The following BCL2L1 variants were observed in gnomAD, a reference collection of about 807,000 sequenced individuals.
BCL2L1 encodes the protein BCL2 like 1.
BCL2L1 carries 1 observed loss-of-function variant against 18.7 expected under a neutral mutation model. The observed-to-expected ratio is 0.05, with a 90% CI of 0.02 to 0.25. The LOEUF (loss-of-function observed/expected upper bound fraction) is 0.25, where lower values mean the gene tolerates loss of function less well. BCL2L1 is among the 10% of genes least tolerant of loss of function. The probability of loss-of-function intolerance (pLI) is 1.00; values close to 1 mark genes in which losing one functional copy is unlikely to be tolerated. For synonymous variants in BCL2L1, 103 were observed against 122.7 expected (o/e 0.84, Z 1.06); for missense variants, 207 against 304.9 (o/e 0.68, Z 2.39).
chr20:31,721,679 A>T lies in BCL2L1; in HGVS notation c.540T>A (p.Pro180=), dbSNP rs777551799. ...MATYLNDHLE[P]WIQENGGWDT... ...CCCAGCCGCCGTTCTCCTGGATCCA[A>T]GGCTCTAGGTGGTCATTCAGGTAAG... Residue 180 remains proline (P), a synonymous_variant, in exon 2 of 3, where the codon CCT becomes CCA. Coordinates refer to ENST00000307677, the MANE Select transcript of BCL2L1 (RefSeq NM_138578.3). 2.8e-5 allele frequency: 45 copies of T among 1,610,808 alleles called. No homozygotes were observed. The highest frequency in any genetic ancestry group is 3.8e-5 in the Non-Finnish European group (45 of 1,177,874).
intron 2 of BCL2L1, among the ~76,000 whole-genome samples, chr20:31,709,840 C>CAAAAAAAAAAAAAAAAAA (rs56937786): frequency 1.6e-5 from 1 of 64,072 alleles, no homozygotes; most frequent in African/African-American, 4.3e-5. Context: ...GACTCCATCT[C>CAAAAAAAAAAAAAAAAAA]AAAAAAAAAA....
chr20:31,693,945 A>T (rs1417829685), intron 2 of BCL2L1, among the ~76,000 whole-genome samples: 1 of 152,156 alleles, frequency 6.6e-6, no homozygotes, highest in Non-Finnish European at 1.5e-5. Context: ...TTTATGATAA[A>T]TTTCTTTAAA....
At chr20:31,723,476 C>T (rs1486735225), upstream of BCL2L1, 1 of 985,124 alleles carries the variant, frequency 1.0e-6, no homozygotes, top group East Asian at 1.1e-4. Context: ...TGCACCTCTC[C>T]GGAGCCCAGG....
chr20:31,705,379 T>A (rs910847639), intron 2 of BCL2L1, among the ~76,000 whole-genome samples: 1 of 152,172 alleles, frequency 6.6e-6, no homozygotes, highest in Admixed American at 6.5e-5. Flanking sequence ...TATCCCCATT[T>A]TTCAGATAGG....
chr20:31,671,950 ATATC>A (rs1045324616), intron 2 of BCL2L1, among the ~76,000 whole-genome samples: 5 of 147,024 alleles, frequency 3.4e-5, no homozygotes, highest in Admixed American at 2.7e-4. Flanking sequence ...ATACATATCT[ATATC>A]TATATATACT....
chr20:31,707,938 C>A (rs1389293284), intron 2 of BCL2L1, among the ~76,000 whole-genome samples: 2 of 152,156 alleles, frequency 1.3e-5, no homozygotes, highest in African/African-American at 4.8e-5. Flanking sequence ...AAATTTCGTA[C>A]CTGACTCTTA....
At chr20:31,685,725 C>G (rs757762162) in intron 2 of BCL2L1, among the ~76,000 whole-genome samples, 2 of 152,104 alleles carry the variant, frequency 1.3e-5, no homozygotes, top group Non-Finnish European at 2.9e-5. Context: ...ATCCTATCTC[C>G]GGGCCCTTTT....
chr20:31,720,483 A>G (rs2061605707), intron 2 of BCL2L1: 1 of 961,368 alleles, frequency 1.0e-6, no homozygotes, highest in Admixed American at 6.2e-5. Flanking sequence ...AAGCAAGAAA[A>G]CAGGACTGAA....
chr20:31,701,123 A>G lies in BCL2L1; in HGVS notation c.564+20532T>C, dbSNP rs574588634. 8.2e-4 allele frequency among the ~76,000 whole-genome samples: 124 copies of G among 152,034 alleles called. 1 individual carries two copies. Among genetic ancestry groups the G allele is most frequent in the Non-Finnish European group, 1.6e-3 (107 of 67,974 alleles). On this transcript the variant is annotated intron_variant, in intron 2 of 2. Transcript: ENST00000307677. ...GGCCGGAGTGCAGTGGTGTGATCTC[A>G]GCTCACTGCAACCTCCGCCTCCTGG... is the stretch of plus-strand genomic sequence containing the variant.
intron 2 of BCL2L1, among the ~76,000 whole-genome samples, chr20:31,715,406 C>T (rs376313177): frequency 9.2e-5 from 14 of 152,166 alleles, no homozygotes; most frequent in African/African-American, 3.1e-4. Flanking sequence ...CACCTTCTAC[C>T]CTTTTCCCCT....
At chr20:31,679,346 T>A (rs529426014) in intron 2 of BCL2L1, among the ~76,000 whole-genome samples, 1 of 152,194 alleles carries the variant, frequency 6.6e-6, no homozygotes, top group South Asian at 2.1e-4. Flanking sequence ...CACAGAGATG[T>A]GTGGTTCGAT....
intron 2 of BCL2L1, among the ~76,000 whole-genome samples, chr20:31,698,542 CCTT>C (rs1207316823): frequency 6.6e-6 from 1 of 150,596 alleles, no homozygotes; most frequent in South Asian, 2.2e-4. Context: ...AGTCGATTTT[CCTT>C]CTTTTTTTTT....
At chr20:31,710,195 C>T (rs1030157988) in intron 2 of BCL2L1, among the ~76,000 whole-genome samples, 2 of 152,100 alleles carry the variant, frequency 1.3e-5, no homozygotes, top group Non-Finnish European at 2.9e-5. Flanking sequence ...GGATAAAGCC[C>T]GTGTACTCCG....
At chr20:31,670,600 A>G (rs1469358331) in intron 2 of BCL2L1, among the ~76,000 whole-genome samples, 2 of 152,188 alleles carry the variant, frequency 1.3e-5, no homozygotes, top group Non-Finnish European at 2.9e-5. Flanking sequence ...AGTGCCATAG[A>G]AACATTCTCA....
intron 2 of BCL2L1, among the ~76,000 whole-genome samples, chr20:31,711,981 C>G (rs1409680840): frequency 6.6e-6 from 1 of 152,136 alleles, no homozygotes. Context: ...TTTTCTCAAC[C>G]ATAAAATGAA....
intron 2 of BCL2L1, among the ~76,000 whole-genome samples, chr20:31,670,358 T>C (rs1378999977): frequency 6.6e-6 from 1 of 152,194 alleles, no homozygotes; most frequent in Non-Finnish European, 1.5e-5. Context: ...AGGCCCTGGT[T>C]ATCCCAAGAG....
chr20:31,704,771 C>T (rs1223030663), intron 2 of BCL2L1, among the ~76,000 whole-genome samples: 1 of 152,188 alleles, frequency 6.6e-6, no homozygotes, highest in African/African-American at 2.4e-5. Flanking sequence ...CCCAATCTTC[C>T]GTTTACACAG....
At chr20:31,675,838 C>G in intron 2 of BCL2L1, among the ~76,000 whole-genome samples, 1 of 152,146 alleles carries the variant, frequency 6.6e-6, no homozygotes, top group Non-Finnish European at 1.5e-5. Flanking sequence ...GCCATCTGGG[C>G]TATAGGGAAT....
chr20:31,699,722 C>A (rs565766721), intron 2 of BCL2L1, among the ~76,000 whole-genome samples: 17 of 152,190 alleles, frequency 1.1e-4, no homozygotes, highest in Non-Finnish European at 2.2e-4. Context: ...AGCTGCAGGA[C>A]CCTGGCATGC....
Sources: allele counts gnomAD v4.1 joint callset (sites outside exome capture counted in the v4.1 genomes callset), GRCh38; gene constraint gnomAD v4.1.1; transcripts MANE v1.5; gene names NCBI Gene and HGNC (gene_info 2026-07-23, HGNC 2026-07-21).